Variants in GCAT observed in about 807,000 individuals in gnomAD.
GCAT encodes the protein 2-amino-3-ketobutyrate coenzyme A ligase, mitochondrial.
A neutral mutation model predicts 39.7 loss-of-function variants in GCAT; 26 were observed. The observed-to-expected ratio is 0.65, with a 90% CI of 0.48 to 0.91. The LOEUF is 0.91. Ranked by LOEUF, GCAT falls within the 40% of genes least tolerant of loss-of-function variation. The pLI is 0.00. For synonymous variants in GCAT, 218 were observed against 237.2 expected, an observed-to-expected ratio of 0.92 and a Z score of 0.74; for missense variants, 550 against 576.2, an observed-to-expected ratio of 0.95 and a Z score of 0.47.
chr22:37,815,970 C>T (rs1847609075), intron 7 of GCAT, 136 bp downstream of exon 7: 1 of 1,052,804 alleles, frequency 9.5e-7, no homozygotes, highest in Non-Finnish European at 1.4e-6. Flanking sequence ...CTCTCTGTCC[C>T]TGCCTCTCCC....
intron 2 of GCAT, among the ~76,000 whole-genome samples, chr22:37,811,255 G>A (rs1921553561): frequency 6.6e-6 from 1 of 152,292 alleles, no homozygotes; most frequent in African/African-American, 2.4e-5. Flanking sequence ...GGCTGATGCA[G>A]GCGGATCACC....
intron 4 of GCAT, among the ~76,000 whole-genome samples, chr22:37,814,286 G>A (rs1426213803): frequency 6.6e-6 from 1 of 151,930 alleles, no homozygotes; most frequent in Non-Finnish European, 1.5e-5. Flanking sequence ...TTTTTTAGAT[G>A]GAATTTCACT....
chr22:37,815,613 G>A lies in GCAT; in HGVS notation c.815-50G>A, dbSNP rs757419924. ...TGTACTTTCAGGAGGGGGTTGGGTA[G>A]GCTCTGGCCCCTGACCAACCCCTCC... On this transcript the variant is annotated intron_variant, in intron 6 of 8. Transcript: ENST00000248924. The A allele has an allele frequency of 6.0e-6, 9 of 1,507,470 alleles. No individual in the cohort carries two copies. The East Asian group carries it at 9.0e-5, about 15-fold the overall frequency. The allele number at this position is 1,507,470 out of a possible 1,614,324, so 93.4% of individuals were successfully genotyped here.
At chr22:37,811,608 C>G (rs1921602277) in intron 2 of GCAT, among the ~76,000 whole-genome samples, 1 of 150,384 alleles carries the variant, frequency 6.6e-6, no homozygotes, top group African/African-American at 2.4e-5. Context: ...TTAAATAGTA[C>G]TTATTATGTG....
chr22:37,816,253 C>G lies in GCAT; in HGVS notation c.1040C>G (p.Pro347Arg). ...TTCACTATCTCGGGAGCCAGTCACC[C>G]CATCTGCCCTGTGATGCTGGGTGAT... ...AGFTISGASHPICPVMLGDAR... is the reference protein window; with the variant it reads ...AGFTISGASHRICPVMLGDAR... Residue 347 changes from proline to arginine, a missense_variant, in exon 8 of 9, where the codon CCC (proline) becomes CGC (arginine). Physicochemically the swap from Pro to Arg is moderately radical, Grantham distance 103. This residue lies in a region of GCAT where 378 missense variants were observed against 390.4 expected (regional missense o/e 0.97). Transcript: ENST00000248924. 2 of 1,613,506 alleles carry G rather than the reference C, an allele frequency of 1.2e-6. No individual in the cohort carries two copies. Among genetic ancestry groups the G allele is most frequent in the Non-Finnish European group, 1.7e-6 (2 of 1,180,002 alleles).
In GCAT at chr22:37,815,207, C is replaced by G; in HGVS notation, c.658C>G (p.Leu220Val). Residue 220 changes from leucine to valine, a missense_variant, in exon 5 of 9, where the codon CTC becomes GTC. This residue lies in a region of GCAT where 378 missense variants were observed against 390.4 expected (regional missense o/e 0.97). Transcript: ENST00000248924. ...DIAPLQEICC[L>V]ASRYGALVFM... ...CGCACCCCTGCAGGAGATCTGCTGC[C>G]TCGCCTCTAGATATGGTGCCCTGGT... 6.2e-7 allele frequency: 1 copy of G among 1,614,084 alleles called. No individual in the cohort carries two copies. Among genetic ancestry groups the G allele is most frequent in the Non-Finnish European group, 8.5e-7 (1 of 1,179,982 alleles).
chr22:37,813,764 A>G (rs1403759280), intron 4 of GCAT, among the ~76,000 whole-genome samples, 155 bp downstream of exon 4: 1 of 151,474 alleles, frequency 6.6e-6, no homozygotes, highest in Non-Finnish European at 1.5e-5. Context: ...CCAGAGCATT[A>G]TTCTTTTTTT....
At chr22:37,811,236 A>G (rs1372787756) in intron 2 of GCAT, among the ~76,000 whole-genome samples, 2 of 152,152 alleles carry the variant, frequency 1.3e-5, no homozygotes, top group Non-Finnish European at 2.9e-5. Context: ...TAATCCCAGC[A>G]CTTTGGGAGG....
chr22:37,813,650 G>T, intron 4 of GCAT, 41 bp downstream of exon 4: 1 of 1,549,900 alleles, frequency 6.5e-7, no homozygotes. Context: ...TCCGCCTGGG[G>T]AAGGAAGTGA....
chr22:37,808,826 A>G (rs1404537523), intron 1 of GCAT, among the ~76,000 whole-genome samples: 2 of 152,164 alleles, frequency 1.3e-5, no homozygotes, highest in Non-Finnish European at 2.9e-5. Context: ...AGCTGGGACT[A>G]CAGGCACGTG....
intron 8 of GCAT, 23 bp downstream of exon 8, chr22:37,816,344 A>C (rs768598004): frequency 1.9e-6 from 3 of 1,607,158 alleles, no homozygotes; most frequent in Non-Finnish European, 2.5e-6. Context: ...AGACAAGGGA[A>C]CTGGTGGTGG....
At chr22:37,808,712 C>T (rs1921246311) in intron 1 of GCAT, among the ~76,000 whole-genome samples, 1 of 151,912 alleles carries the variant, frequency 6.6e-6, no homozygotes, top group South Asian at 2.1e-4. Flanking sequence ...GATGGAGTCT[C>T]GTCTTGCTCT....
chr22:37,812,929 C>T lies in GCAT; in HGVS notation c.370C>T (p.Gln124Ter). 1 of 1,613,730 alleles carries T rather than the reference C, an allele frequency of 6.2e-7. No homozygotes were observed. The highest frequency in any genetic ancestry group is 8.5e-7 in the Non-Finnish European group (1 of 1,179,694). Residue 124 changes from glutamine to a stop codon, truncating the protein, a stop_gained, in exon 3 of 9, where the codon CAG (glutamine) becomes TAG (stop). Coordinates refer to ENST00000248924, the MANE Select transcript of GCAT (RefSeq NM_014291.4). LOFTEE classifies it high-confidence loss of function. ...AGAAGCAAAAATAGCCCGCTTCCAC[C>T]AGCGGGAGGATGCCATCCTCTATCC... ...NLEAKIARFH[Q>*]REDAILYPSC...
chr22:37,816,394 C>T, intron 8 of GCAT, 73 bp downstream of exon 8: 1 of 1,571,330 alleles, frequency 6.4e-7, no homozygotes. Flanking sequence ...AGACTGTGAC[C>T]CAGCCCCGTA....
chr22:37,816,649 C>T lies in GCAT; in HGVS notation c.1191C>T (p.Ser397=), dbSNP rs755173145. Reference sequence around the variant, plus strand: ...GGGTACAGATCTCAGCAGTGCATAGCGAGGAAGACATTGACCGCTGCGTGG... The same window carrying T: ...GGGTACAGATCTCAGCAGTGCATAGTGAGGAAGACATTGACCGCTGCGTGG... ...RIRVQISAVH[S]EEDIDRCVEA... Residue 397 remains serine, a synonymous_variant, in exon 9 of 9, where the codon AGC becomes AGT. Transcript: ENST00000248924. 1.2e-5 allele frequency: 20 copies of T among 1,613,980 alleles called. No homozygotes were observed. The highest frequency in any genetic ancestry group is 1.1e-4 in the African/African-American group (8 of 74,910).
intron 8 of GCAT, 38 bp from the exon 9 acceptor site, chr22:37,816,529 T>A (rs773008437): frequency 6.2e-7 from 1 of 1,611,774 alleles, no homozygotes; most frequent in Non-Finnish European, 8.5e-7. Flanking sequence ...CCCCCAAGCC[T>A]GTTGGTTCTG....
chr22:37,816,673 G>A lies in GCAT; in HGVS notation c.1215G>A (p.Val405=), dbSNP rs1322655956. Residue 405 remains valine, a synonymous_variant, in exon 9 of 9, where the codon GTG becomes GTA. Coordinates refer to ENST00000248924, the MANE Select transcript of GCAT (RefSeq NM_014291.4). ...VHSEEDIDRC[V]EAFVEVGRLH... ...GCGAGGAAGACATTGACCGCTGCGT[G>A]GAGGCCTTCGTGGAAGTGGGGCGAC... is the stretch of plus-strand genomic sequence containing the variant. 6.2e-7 allele frequency: 1 copy of A among 1,613,992 alleles called. No individual in the cohort carries two copies. The highest frequency in any genetic ancestry group is 8.5e-7 in the Non-Finnish European group (1 of 1,180,026).
chr22:37,816,945 G>A (rs1414376456), downstream of GCAT: 14 of 516,434 alleles, frequency 2.7e-5, no homozygotes, highest in Non-Finnish European at 3.8e-5. Flanking sequence ...TCCTGTGGCC[G>A]GTTGAAGAAT....
chr22:37,813,408 A>C, intron 3 of GCAT, 55 bp from the exon 4 acceptor site: 2 of 1,540,004 alleles, frequency 1.3e-6, no homozygotes, highest in Non-Finnish European at 1.8e-6. Context: ...GTCCCGGTCA[A>C]GGGAGAAGCC....
Sources: allele counts gnomAD v4.1 joint callset (sites outside exome capture counted in the v4.1 genomes callset), GRCh38; gene constraint gnomAD v4.1.1; regional missense constraint gnomAD v4.1.1; transcripts MANE v1.5; gene names NCBI Gene and HGNC (gene_info 2026-07-23, HGNC 2026-07-21).